Variants in SPMIP2 observed in about 807,000 individuals in gnomAD.
SPMIP2 encodes the protein protein SPMIP2.
the SPMIP2 span, among the ~76,000 whole-genome samples, chr4:158,995,154 G>A: frequency 2.0e-5 from 3 of 152,218 alleles, no homozygotes; most frequent in South Asian, 6.2e-4. Context: ...CTGGCCCCAA[G>A]TGATCCTCCT....
the SPMIP2 span, among the ~76,000 whole-genome samples, chr4:159,015,034 A>G: frequency 1.3e-5 from 2 of 152,204 alleles, no homozygotes; most frequent in African/African-American, 4.8e-5. Context: ...ATAAAATTAC[A>G]TTTTTACTGA....
At chr4:159,058,171 A>G in the SPMIP2 span, among the ~76,000 whole-genome samples, 2 of 147,372 alleles carry the variant, frequency 1.4e-5, no homozygotes, top group Non-Finnish European at 3.0e-5. Context: ...GAAAATGGCA[A>G]TTGTATTTGC....
At chr4:158,975,240 T>C in the SPMIP2 span, among the ~76,000 whole-genome samples, 2 of 148,524 alleles carry the variant, frequency 1.3e-5, no homozygotes, top group Non-Finnish European at 3.0e-5. Context: ...TCTCCCGTTC[T>C]GTAGGTTGCC....
chr4:159,035,615 T>C, the SPMIP2 span, among the ~76,000 whole-genome samples: 1 of 152,212 alleles, frequency 6.6e-6, no homozygotes, highest in African/African-American at 2.4e-5. Flanking sequence ...CAAATATATA[T>C]AGATATATTT....
At chr4:158,936,550 C>A in the SPMIP2 span, among the ~76,000 whole-genome samples, 5 of 152,192 alleles carry the variant, frequency 3.3e-5, no homozygotes, top group Non-Finnish European at 5.9e-5. Context: ...TCCAAAAGTA[C>A]TAAAAAGCCA....
the SPMIP2 span, among the ~76,000 whole-genome samples, chr4:158,943,993 C>A: frequency 6.7e-6 from 1 of 150,298 alleles, no homozygotes; most frequent in South Asian, 2.1e-4. Context: ...GTAGCTGGGA[C>A]TACAGGCGCC....
chr4:159,026,261 A>T, the SPMIP2 span: 2 of 547,352 alleles, frequency 3.7e-6, no homozygotes, highest in Non-Finnish European at 7.0e-6. Context: ...ATCATTTGTG[A>T]TGACAAAAAC....
At chr4:159,007,771 T>G in the SPMIP2 span, 166 of 591,556 alleles carry the variant, frequency 2.8e-4, no homozygotes, top group African/African-American at 2.6e-3. Flanking sequence ...GTTTAACATA[T>G]CAGCAGCAGC....
the SPMIP2 span, among the ~76,000 whole-genome samples, chr4:158,991,361 T>C: frequency 3.9e-5 from 6 of 152,190 alleles, no homozygotes; most frequent in Admixed American, 3.9e-4. Flanking sequence ...ATCTTGTTCT[T>C]AAATCAGGGA....
the SPMIP2 span, among the ~76,000 whole-genome samples, chr4:159,004,915 T>C: frequency 2.6e-5 from 4 of 152,020 alleles, 1 homozygote; most frequent in African/African-American, 9.7e-5. Context: ...GTTTAATTAA[T>C]ACCTTCTTCC....
At chr4:159,062,697 G>GTCTCTCTCTTTCTC in the SPMIP2 span, among the ~76,000 whole-genome samples, 3 of 95,110 alleles carry the variant, frequency 3.2e-5, no homozygotes, top group African/African-American at 1.1e-4. Context: ...TTGAAACAGG[G>GTCTCTCTCTTTCTC]TCTCTCTCTC....
chr4:159,065,023 A>C, the SPMIP2 span, among the ~76,000 whole-genome samples: 1 of 152,256 alleles, frequency 6.6e-6, no homozygotes, highest in Non-Finnish European at 1.5e-5. Context: ...TTCCCTGGGC[A>C]GAATGGTGAC....
the SPMIP2 span, among the ~76,000 whole-genome samples, chr4:158,913,846 T>TA: frequency 0.01 from 1,359 of 134,330 alleles, 13 homozygotes; most frequent in African/African-American, 0.022. Flanking sequence ...CCCCATATCT[T>TA]AAAAAAAAAA....
chr4:159,064,279 A>G, the SPMIP2 span: 4 of 151,898 alleles, frequency 2.6e-5, no homozygotes, highest in East Asian at 7.7e-4. Context: ...ATTTTTATTT[A>G]TTATTATTAT....
At chr4:159,051,062 G>A in the SPMIP2 span, among the ~76,000 whole-genome samples, 4 of 150,630 alleles carry the variant, frequency 2.7e-5, no homozygotes, top group Non-Finnish European at 5.9e-5. Context: ...AGCCAAGATC[G>A]CGCCACTGCA....
At chr4:159,045,086 G>A in the SPMIP2 span, among the ~76,000 whole-genome samples, 2 of 149,932 alleles carry the variant, frequency 1.3e-5, no homozygotes, top group Non-Finnish European at 3.0e-5. Context: ...GTGAGACTCT[G>A]TCTCAAAAAA....
the SPMIP2 span, among the ~76,000 whole-genome samples, chr4:158,977,206 G>A: frequency 2.5e-3 from 385 of 152,194 alleles, 1 homozygote; most frequent in African/African-American, 8.6e-3. Context: ...GGTAGAATTC[G>A]GCTGTGAATC....
chr4:159,034,100 G>A, the SPMIP2 span, among the ~76,000 whole-genome samples: 1 of 152,198 alleles, frequency 6.6e-6, no homozygotes, highest in Admixed American at 6.5e-5. Flanking sequence ...TCGTGCCATT[G>A]CACCCTAGTC....
At chr4:159,073,173 A>G in the SPMIP2 span, among the ~76,000 whole-genome samples, 15 of 151,968 alleles carry the variant, frequency 9.9e-5, no homozygotes, top group African/African-American at 3.6e-4. Flanking sequence ...TTTGTTTTGG[A>G]GACAGGGTCT....
Sources: allele counts gnomAD v4.1 joint callset (sites outside exome capture counted in the v4.1 genomes callset), GRCh38; gene constraint gnomAD v4.1.1; transcripts MANE v1.5; gene names NCBI Gene and HGNC (gene_info 2026-07-23, HGNC 2026-07-21).